The following RPS6KA2 variants were observed in gnomAD, a reference collection of about 807,000 sequenced individuals.
The protein encoded by RPS6KA2 is ribosomal protein S6 kinase A2, also known as ribosomal protein S6 kinase alpha-2.
RPS6KA2 carries 42 observed loss-of-function variants against 91.8 expected under a neutral mutation model. The ratio of observed to expected loss-of-function variants is 0.46; its 90% CI spans 0.36 to 0.59. The LOEUF is 0.59. Ranked by LOEUF, RPS6KA2 falls within the 20% of genes least tolerant of loss-of-function variation. RPS6KA2 has a pLI of 0.00. For missense variants in RPS6KA2, 798 were observed against 978.5 expected, an observed-to-expected ratio of 0.82 and a Z score of 2.46; for synonymous variants, 414 against 393.6, an observed-to-expected ratio of 1.05 and a Z score of -0.61.
chr6:166,831,683 C>T, intron 2 of RPS6KA2, among the ~76,000 whole-genome samples: 1 of 151,168 alleles, frequency 6.6e-6, no homozygotes, highest in Admixed American at 6.6e-5. Flanking sequence ...AATTCCAAAA[C>T]TGAGAATAAA....
chr6:166,810,219 C>T (rs1268829767), intron 2 of RPS6KA2, among the ~76,000 whole-genome samples: 4 of 152,120 alleles, frequency 2.6e-5, no homozygotes, highest in Admixed American at 1.3e-4. Context: ...CCTAGTCCCG[C>T]CCTCAACATG....
intron 2 of RPS6KA2, among the ~76,000 whole-genome samples, chr6:166,830,803 G>A (rs1466320915): frequency 6.6e-6 from 1 of 152,168 alleles, no homozygotes; most frequent in African/African-American, 2.4e-5. Context: ...ATGGCTGTGT[G>A]GGATCCCAGA....
Position 166,432,507 on chromosome 6 carries a change from A to G in RPS6KA2, c.1333-17T>C, listed in dbSNP as rs1187928721. ...ATCAATGATCTGGAACAAACACAGC[A>G]CATGGCAGTGAGGGGTCTACTTTAG... On this transcript the variant is annotated splice_polypyrimidine_tract_variant and intron_variant, in intron 14 of 20. Transcript: ENST00000265678. 1.3e-6 allele frequency: 2 copies of G among 1,543,266 alleles called. No homozygotes were observed.
intron 2 of RPS6KA2, among the ~76,000 whole-genome samples, chr6:166,670,486 C>T (rs1234698130): frequency 6.6e-6 from 1 of 152,144 alleles, no homozygotes; most frequent in East Asian, 1.9e-4. Context: ...TTGTTATGTA[C>T]TAAAGGTAGT....
At chr6:166,483,824 C>G (rs1281336948) in intron 10 of RPS6KA2, among the ~76,000 whole-genome samples, 1 of 152,238 alleles carries the variant, frequency 6.6e-6, no homozygotes, top group East Asian at 1.9e-4. Context: ...TGGAACAGAG[C>G]CTCACTCAAA....
chr6:166,713,983 C>T (rs1310331545), intron 2 of RPS6KA2, among the ~76,000 whole-genome samples: 2 of 152,230 alleles, frequency 1.3e-5, no homozygotes, highest in Non-Finnish European at 2.9e-5. Context: ...TCAGCTTCCA[C>T]AATGGCCTCC....
intron 2 of RPS6KA2, among the ~76,000 whole-genome samples, chr6:166,779,441 G>A (rs1348476412): frequency 6.6e-6 from 1 of 152,188 alleles, no homozygotes; most frequent in African/African-American, 2.4e-5. Flanking sequence ...AATGCTCAGG[G>A]ACCCCCGGGC....
intron 2 of RPS6KA2, among the ~76,000 whole-genome samples, chr6:166,677,047 G>C (rs1358813001): frequency 6.6e-6 from 1 of 152,180 alleles, no homozygotes; most frequent in African/African-American, 2.4e-5. Context: ...TCTGTTTCCA[G>C]TATGCTCAAT....
At chr6:166,783,040 TC>T (rs1778810314) in intron 2 of RPS6KA2, among the ~76,000 whole-genome samples, 2 of 147,928 alleles carry the variant, frequency 1.4e-5, no homozygotes, top group Admixed American at 1.4e-4. Context: ...CTGCAGGGTA[TC>T]TTTTAGGTAT....
intron 2 of RPS6KA2, among the ~76,000 whole-genome samples, chr6:166,741,655 C>T (rs985705790): frequency 1.3e-5 from 2 of 152,202 alleles, no homozygotes; most frequent in Non-Finnish European, 2.9e-5. Flanking sequence ...AAGCCACGAG[C>T]AGTCATACCC....
intron 2 of RPS6KA2, among the ~76,000 whole-genome samples, chr6:166,721,119 G>A (rs929609505): frequency 6.6e-6 from 1 of 152,200 alleles, no homozygotes; most frequent in African/African-American, 2.4e-5. Context: ...AATTTCACGA[G>A]GATCCCTACT....
chr6:166,824,643 G>A (rs1213229305), intron 2 of RPS6KA2, among the ~76,000 whole-genome samples: 1 of 62,798 alleles, frequency 1.6e-5, no homozygotes, highest in East Asian at 3.5e-3. Context: ...GTGTCTGTAT[G>A]TCTGTGTGTG....
chr6:166,626,794 C>T lies in RPS6KA2; in HGVS notation c.99+127G>A. The T allele has an allele frequency of 2.6e-6, 2 of 760,390 alleles. No individual in the cohort carries two copies. Among genetic ancestry groups the T allele is most frequent in the African/African-American group, 1.8e-5 (1 of 54,998 alleles). 47.1% of individuals were successfully genotyped at this position (760,390 alleles called of 1,614,324 possible). ...GTTTGGTTCGATTTTCGGAACCGGA[C>T]CAGCTTTCCAGTAACTTGAACTCCC... On this transcript the variant is annotated intron_variant, in intron 1 of 20. Coordinates refer to ENST00000265678, the MANE Select transcript of RPS6KA2 (RefSeq NM_021135.6). This position sits in a 1 kb window ranked among gnomAD's most constrained non-coding sequence, Gnocchi z 4.1.
chr6:166,535,850 A>G (rs974722776), intron 2 of RPS6KA2, among the ~76,000 whole-genome samples: 1 of 152,256 alleles, frequency 6.6e-6, no homozygotes, highest in South Asian at 2.1e-4. Context: ...CGATGAAATC[A>G]TGATGGCTTC....
intron 2 of RPS6KA2, among the ~76,000 whole-genome samples, chr6:166,712,414 G>A (rs1438875232): frequency 6.6e-6 from 1 of 152,224 alleles, no homozygotes; most frequent in Non-Finnish European, 1.5e-5. Context: ...GATAACACTC[G>A]TCAAAACAGA....
chr6:166,452,045 T>G (rs554450572), intron 12 of RPS6KA2, among the ~76,000 whole-genome samples: 3 of 152,298 alleles, frequency 2.0e-5, no homozygotes, highest in African/African-American at 4.8e-5. Context: ...ACCATAGGCA[T>G]GAAAAGATGC....
intron 1 of RPS6KA2, among the ~76,000 whole-genome samples, chr6:166,553,783 T>A (rs1784093736): frequency 6.6e-6 from 1 of 152,168 alleles, no homozygotes; most frequent in African/African-American, 2.4e-5. Context: ...TACAAGCTGA[T>A]ACGTTAAAAA....
intron 2 of RPS6KA2, among the ~76,000 whole-genome samples, chr6:166,717,501 C>A (rs771764462): frequency 6.6e-6 from 1 of 152,152 alleles, no homozygotes; most frequent in Non-Finnish European, 1.5e-5. Context: ...AAGTGGGAGC[C>A]AGGTGAGGAG....
intron 1 of RPS6KA2, among the ~76,000 whole-genome samples, chr6:166,553,514 T>TAAA (rs11348364): frequency 1.5e-5 from 2 of 136,240 alleles, no homozygotes; most frequent in African/African-American, 5.4e-5. Context: ...AGGAGTCATT[T>TAAA]AAAAAAAAAA....
Sources: allele counts gnomAD v4.1 joint callset (sites outside exome capture counted in the v4.1 genomes callset), GRCh38; gene constraint gnomAD v4.1.1; non-coding constraint Gnocchi (gnomAD v3.1); transcripts MANE v1.5; gene names NCBI Gene and HGNC (gene_info 2026-07-23, HGNC 2026-07-21).